Variants in ADRA1A observed in about 807,000 individuals in gnomAD.
ADRA1A encodes alpha-1A adrenergic receptor.
In ADRA1A, 31 loss-of-function variants were observed where a neutral mutation model predicts 29.6. The observed-to-expected ratio is 1.05, with a 90% CI of 0.79 to 1.41. The LOEUF is 1.41. Among genes scored for constraint, ADRA1A ranks in the 40% most tolerant of loss-of-function variants. The pLI, the probability that ADRA1A is intolerant of heterozygous loss-of-function variation, is 0.00. For synonymous variants in ADRA1A, 311 were observed against 254.3 expected, an observed-to-expected ratio of 1.22 and a Z score of -2.12; for missense variants, 619 against 601.1, an observed-to-expected ratio of 1.03 and a Z score of -0.31.
intron 2 of ADRA1A, among the ~76,000 whole-genome samples, chr8:26,804,267 C>T (rs1808808032): frequency 1.3e-5 from 2 of 152,156 alleles, no homozygotes; most frequent in East Asian, 3.9e-4. Flanking sequence ...CTCCTTAATG[C>T]TTACCCAGGA....
chr8:26,812,205 C>T (rs1373275168), intron 2 of ADRA1A, among the ~76,000 whole-genome samples: 6 of 152,138 alleles, frequency 3.9e-5, no homozygotes, highest in Non-Finnish European at 8.8e-5. Context: ...TTTCCTTCTT[C>T]GACATTCTCA....
rs78454868 is a variant in ADRA1A at position 26,823,591 on chromosome 8, C to T, written c.883+40496G>A. Among the ~76,000 whole-genome samples the T allele has an allele frequency of 1.7e-3, 257 of 152,284 alleles. 4 individuals are homozygous for T. The East Asian group carries it at 0.046, about 27-fold the overall frequency. On this transcript the variant is annotated intron_variant, in intron 2 of 2. Coordinates refer to ENST00000380573, the MANE Select transcript of ADRA1A (RefSeq NM_000680.4). This position sits in a 1 kb window ranked among gnomAD's most constrained non-coding sequence, Gnocchi z 4.2. ...GGGGAGCGCTGGGCTAAGGATCAGGCTGCTTGGGCTATCAACATATTTGTG... is the reference window on the plus strand; with the variant it reads ...GGGGAGCGCTGGGCTAAGGATCAGGTTGCTTGGGCTATCAACATATTTGTG...
intron 2 of ADRA1A, among the ~76,000 whole-genome samples, chr8:26,818,402 T>A (rs1055600059): frequency 6.6e-6 from 1 of 152,172 alleles, no homozygotes; most frequent in Non-Finnish European, 1.5e-5. Context: ...CTTATTAACA[T>A]TTTTTTGTTT....
Position 26,796,317 on chromosome 8 carries a change from A to T in ADRA1A, c.884-25651T>A, listed in dbSNP as rs746656518. Reference sequence around the variant, plus strand: ...TAAAATATTAAAAAAGAATAAAAGCACATAACTAAAAAATAACTCACTGAT... The same window carrying T: ...TAAAATATTAAAAAAGAATAAAAGCTCATAACTAAAAAATAACTCACTGAT... On this transcript the variant is annotated intron_variant, in intron 2 of 2. Transcript: ENST00000380573. The surrounding 1 kb of genome is among the most constrained non-coding windows in gnomAD (Gnocchi z 5.0). Among the ~76,000 whole-genome samples, 52 of 152,230 alleles carry T rather than the reference A, an allele frequency of 3.4e-4. No individual in the cohort carries two copies. The highest frequency in any genetic ancestry group is 1.6e-4 in the Non-Finnish European group (11 of 68,032).
downstream of ADRA1A, among the ~76,000 whole-genome samples, chr8:26,751,494 A>G (rs2130146550): frequency 6.6e-6 from 1 of 152,324 alleles, no homozygotes; most frequent in African/African-American, 2.4e-5. Context: ...TTTAAAATTG[A>G]AAAGTAAAGG....
At chr8:26,799,275 T>G (rs1179776319) in intron 2 of ADRA1A, among the ~76,000 whole-genome samples, 1 of 152,192 alleles carries the variant, frequency 6.6e-6, no homozygotes, top group East Asian at 1.9e-4. Context: ...ATGTTACTCT[T>G]TCTCCTTCAG....
chr8:26,824,705 T>G lies in ADRA1A; in HGVS notation c.883+39382A>C, dbSNP rs527816614. ...ACAGGGCCTATGTTAAAAAATGCTTTCTGAGCCAAGTGAAATCCCTAGGGA... is the reference window on the plus strand; with the variant it reads ...ACAGGGCCTATGTTAAAAAATGCTTGCTGAGCCAAGTGAAATCCCTAGGGA... On this transcript the variant is annotated intron_variant, in intron 2 of 2. Transcript: ENST00000380573. 6.6e-5 allele frequency among the ~76,000 whole-genome samples: 10 copies of G among 152,182 alleles called. No homozygotes were observed. The South Asian group carries it at 2.1e-3, about 32-fold the overall frequency.
chr8:26,779,091 T>G, intron 2 of ADRA1A: 2 of 485,760 alleles, frequency 4.1e-6, no homozygotes, highest in Non-Finnish European at 7.2e-6. Context: ...AGTTTTTAAG[T>G]TTTCTTATTT....
At chr8:26,782,957 A>G (rs1160248901) in intron 2 of ADRA1A, among the ~76,000 whole-genome samples, 1 of 151,566 alleles carries the variant, frequency 6.6e-6, no homozygotes, top group Non-Finnish European at 1.5e-5. Context: ...CTTCCACAAC[A>G]TCCAATCACC....
intron 2 of ADRA1A, among the ~76,000 whole-genome samples, chr8:26,838,583 A>G (rs1443501693): frequency 6.6e-6 from 1 of 152,250 alleles, no homozygotes; most frequent in African/African-American, 2.4e-5. Context: ...TTTAGAGCTT[A>G]CAAGATGATC....
intron 2 of ADRA1A, among the ~76,000 whole-genome samples, chr8:26,855,012 G>C (rs988681043): frequency 1.3e-5 from 2 of 152,088 alleles, no homozygotes; most frequent in African/African-American, 4.8e-5. Flanking sequence ...TAAATCTGTT[G>C]GTACATTGAG....
chr8:26,829,411 G>A (rs1422781333), intron 2 of ADRA1A, among the ~76,000 whole-genome samples: 2 of 152,064 alleles, frequency 1.3e-5, no homozygotes, highest in African/African-American at 2.4e-5. Context: ...AGCTATGTGT[G>A]CTCCTTAAAG....
chr8:26,788,339 G>A (rs896949345), intron 2 of ADRA1A, among the ~76,000 whole-genome samples: 2 of 152,062 alleles, frequency 1.3e-5, no homozygotes, highest in Admixed American at 1.3e-4. Flanking sequence ...TTTCTTCCAT[G>A]GATACCTGGG....
chr8:26,825,145 C>T lies in ADRA1A; in HGVS notation c.883+38942G>A, dbSNP rs1015009377. On this transcript the variant is annotated intron_variant, in intron 2 of 2. Coordinates refer to ENST00000380573, the MANE Select transcript of ADRA1A (RefSeq NM_000680.4). This position sits in a 1 kb window ranked among gnomAD's most constrained non-coding sequence, Gnocchi z 5.7. ...CATGCTCCAGAGAGACCCCCAGCCC[C>T]CACATGTCCCACCCTGAGCTTGCTA... Among the ~76,000 whole-genome samples, 2 of 152,208 alleles carry T rather than the reference C, an allele frequency of 1.3e-5. No individual in the cohort carries two copies. The highest frequency in any genetic ancestry group is 1.3e-4 in the Admixed American group (2 of 15,284).
In ADRA1A at chr8:26,841,475, C is replaced by G. The variant is rs547514242; in HGVS notation, c.883+22612G>C. 1.3e-5 allele frequency among the ~76,000 whole-genome samples: 2 copies of G among 152,324 alleles called. No homozygotes were observed. Among genetic ancestry groups the G allele is most frequent in the Non-Finnish European group, 2.9e-5 (2 of 68,036 alleles). Reference sequence around the variant, plus strand: ...TCTCAACCACTGCCTGCAGATTCCCCTCCTTCTGTACTCATTTTTCTTTTC... The same window carrying G: ...TCTCAACCACTGCCTGCAGATTCCCGTCCTTCTGTACTCATTTTTCTTTTC... On this transcript the variant is annotated intron_variant, in intron 2 of 2. Transcript: ENST00000380573. This position sits in a 1 kb window ranked among gnomAD's most constrained non-coding sequence, Gnocchi z 4.4.
Position 26,864,203 on chromosome 8 carries a change from T to G in ADRA1A, c.767A>C (p.His256Pro), listed in dbSNP as rs886364953. 2 of 1,614,038 alleles carry G rather than the reference T, an allele frequency of 1.2e-6. No homozygotes were observed. The highest frequency in any genetic ancestry group is 1.7e-6 in the Non-Finnish European group (2 of 1,180,042). Residue 256 changes from histidine to proline, a missense_variant, in exon 2 of 3, where the codon CAC becomes CCC. By Grantham distance (77) the His-to-Pro change is moderately conservative. Coordinates refer to ENST00000380573, the MANE Select transcript of ADRA1A (RefSeq NM_000680.4). This position sits in a 1 kb window ranked among gnomAD's most constrained non-coding sequence, Gnocchi z 8.1. ...SGMASAKTKT[H>P]FSVRLLKFSR... is the part of the protein sequence containing the mutation. ...GAACTTGAGGAGCCTCACTGAGAAGTGCGTCTTGGTCTTGGCGCTGGCCAT... is the reference window on the plus strand; with the variant it reads ...GAACTTGAGGAGCCTCACTGAGAAGGGCGTCTTGGTCTTGGCGCTGGCCAT...
rs1813809992 is a variant in ADRA1A at position 26,865,101 on chromosome 8, G to T, written c.-132C>A. ...AGCCCTGCCAGGTGGGTTTGGCTGG[G>T]GGTGAGAGCGCGCGCGCGGGTGGGA... is the stretch of plus-strand genomic sequence containing the variant. On this transcript the variant is annotated 5_prime_UTR_variant, in exon 2 of 3. Transcript: ENST00000380573. This position sits in a 1 kb window ranked among gnomAD's most constrained non-coding sequence, Gnocchi z 7.6. The T allele has an allele frequency of 1.6e-5, 24 of 1,492,470 alleles. No homozygotes were observed. The South Asian group carries it at 2.7e-4, about 17-fold the overall frequency. The allele number at this position is 1,492,470 out of a possible 1,614,324, so 92.5% of individuals were successfully genotyped here.
In ADRA1A at chr8:26,796,378, C is replaced by T. The variant is rs1360134460; in HGVS notation, c.884-25712G>A. Among the ~76,000 whole-genome samples, 2 of 152,130 alleles carry T rather than the reference C, an allele frequency of 1.3e-5. No homozygotes were observed. Among genetic ancestry groups the T allele is most frequent in the Non-Finnish European group, 2.9e-5 (2 of 68,008 alleles). On this transcript the variant is annotated intron_variant, in intron 2 of 2. Coordinates refer to ENST00000380573, the MANE Select transcript of ADRA1A (RefSeq NM_000680.4). This position sits in a 1 kb window ranked among gnomAD's most constrained non-coding sequence, Gnocchi z 5.0. ...ATTTCGCTACCTTCATCTGCATTTC[C>T]AAGTTTTTTTAAATAGCTTTCATAA...
intron 2 of ADRA1A, among the ~76,000 whole-genome samples, chr8:26,780,602 A>G (rs1005327058): frequency 6.6e-6 from 1 of 152,212 alleles, no homozygotes; most frequent in Admixed American, 6.5e-5. Flanking sequence ...CTGTGGATTT[A>G]GCACCAGTTT....
Sources: gnomAD v4.1 joint callset for allele counts (sites outside exome capture counted in the v4.1 genomes callset) on GRCh38, gnomAD v4.1.1 for gene constraint, Gnocchi (gnomAD v3.1) non-coding constraint, MANE v1.5 for transcripts, NCBI Gene and HGNC (gene_info 2026-07-23, HGNC 2026-07-21) for gene names.